Variants in CUX1 observed in about 807,000 individuals in gnomAD.
CUX1 encodes cut like homeobox 1, also known as protein CASP.
CUX1 carries 31 observed loss-of-function variants against 158.8 expected under a neutral mutation model. That is an observed-to-expected ratio of 0.20 (90% CI 0.15 to 0.26). The LOEUF is 0.26. Among genes scored for constraint, CUX1 ranks in the 10% least tolerant of loss-of-function variants. CUX1 has a pLI of 1.00. For missense variants in CUX1, 1,589 were observed against 2,014.6 expected, an observed-to-expected ratio of 0.79 and a Z score of 4.04; for synonymous variants, 879 against 862.1, an observed-to-expected ratio of 1.02 and a Z score of -0.34.
At chr7:102,194,007 T>C in intron 13 of CUX1, 117 bp downstream of exon 13, 1 of 977,518 alleles carries the variant, frequency 1.0e-6, no homozygotes, top group Non-Finnish European at 1.6e-6. Context: ...TTACAGCCGA[T>C]GAGTCATACT....
intron 20 of CUX1, among the ~76,000 whole-genome samples, chr7:102,209,983 C>G (rs1397382253): frequency 6.6e-6 from 1 of 152,154 alleles, no homozygotes; most frequent in African/African-American, 2.4e-5. Flanking sequence ...ATCTCTCAGG[C>G]TCAAACAATC....
intron 1 of CUX1, among the ~76,000 whole-genome samples, chr7:101,884,909 T>C (rs1312427640): frequency 2.0e-5 from 3 of 152,134 alleles, no homozygotes; most frequent in African/African-American, 7.2e-5. Flanking sequence ...TTGGTGATGC[T>C]GTCACAGTGG....
intron 3 of CUX1, among the ~76,000 whole-genome samples, chr7:102,034,201 CT>C (rs1162923791): frequency 1.4e-5 from 2 of 139,148 alleles, no homozygotes; most frequent in African/African-American, 5.4e-5. Flanking sequence ...ACACAGAAGT[CT>C]TTTCAAAGGT....
At chr7:102,105,653 C>T (rs1554488218) in intron 6 of CUX1, among the ~76,000 whole-genome samples, 1 of 151,886 alleles carries the variant, frequency 6.6e-6, no homozygotes, top group East Asian at 1.9e-4. Flanking sequence ...GCTGGGATTA[C>T]AGGCATGCGC....
At chr7:102,050,764 G>C (rs1823399080) in intron 3 of CUX1, among the ~76,000 whole-genome samples, 1 of 151,722 alleles carries the variant, frequency 6.6e-6, no homozygotes, top group Non-Finnish European at 1.5e-5. Context: ...GTGCATTTGT[G>C]TGATCATAGC....
At chr7:102,275,283 G>A in exon 17 of CUX1, 1 of 1,611,876 alleles carries the variant, frequency 6.2e-7, no homozygotes, top group Non-Finnish European at 8.5e-7. Context: ...CTCCCAGAGG[G>A]CCAGGTGGAT....
intron 2 of CUX1, among the ~76,000 whole-genome samples, chr7:102,012,703 G>T (rs998971556): frequency 4.4e-4 from 55 of 123,844 alleles, no homozygotes; most frequent in African/African-American, 1.4e-3. Flanking sequence ...GGAGAGTGGG[G>T]GCGGGGGGAG....
At chr7:101,941,747 C>T (rs1807743484) in intron 2 of CUX1, among the ~76,000 whole-genome samples, 1 of 152,182 alleles carries the variant, frequency 6.6e-6, no homozygotes. Flanking sequence ...ATTAACTAGT[C>T]AACAGATACA....
chr7:102,101,160 T>G (rs564665521), intron 5 of CUX1, among the ~76,000 whole-genome samples: 3 of 152,274 alleles, frequency 2.0e-5, no homozygotes, highest in Admixed American at 2.0e-4. Context: ...GGAGATCAGA[T>G]TTCAACCTGA....
upstream of CUX1, chr7:101,817,068 AGGGGCGGCGG>A: frequency 1.0e-6 from 1 of 982,968 alleles, no homozygotes; most frequent in Non-Finnish European, 1.2e-6. This position sits in a 1 kb window ranked among gnomAD's most constrained non-coding sequence, Gnocchi z 4.1. Context: ...AAACTTGGCG[AGGGGCGGCGG>A]GGGTGCCCCG....
intron 8 of CUX1, 109 bp from the exon 9 acceptor site, chr7:102,158,451 C>CATT: frequency 9.8e-7 from 1 of 1,017,696 alleles, no homozygotes; most frequent in Non-Finnish European, 1.5e-6. Flanking sequence ...CATTGACTCA[C>CATT]GGGTCTGCAC....
At chr7:102,243,918 TC>T (rs1554535923) in intron 23 of CUX1, among the ~76,000 whole-genome samples, 1 of 151,896 alleles carries the variant, frequency 6.6e-6, no homozygotes, top group East Asian at 1.9e-4. Flanking sequence ...TCCCAGCTAC[TC>T]TAGAGGCTGA....
chr7:101,918,188 G>A (rs1175443449), intron 2 of CUX1, among the ~76,000 whole-genome samples: 1 of 152,176 alleles, frequency 6.6e-6, no homozygotes, highest in African/African-American at 2.4e-5. Flanking sequence ...GAGGAGGAGC[G>A]TGTCCCCCTT....
In CUX1 at chr7:102,253,611, A is replaced by G; in HGVS notation, c.*4569A>G. On this transcript the variant is annotated 3_prime_UTR_variant, in exon 24 of 24. Transcript: ENST00000292535. ...TACTGAAAAATAGCAGAGCCAGGGG[A>G]ACAGACGCATGTCCTTCTGGGAGTC... The G allele has an allele frequency of 1.0e-6, 1 of 985,482 alleles. No individual in the cohort carries two copies. Among genetic ancestry groups the G allele is most frequent in the East Asian group, 1.1e-4 (1 of 8,820 alleles). 61.0% of individuals were successfully genotyped at this position (985,482 alleles called of 1,614,324 possible).
chr7:102,070,015 G>C (rs1825954322), intron 3 of CUX1, among the ~76,000 whole-genome samples: 1 of 152,164 alleles, frequency 6.6e-6, no homozygotes, highest in Non-Finnish European at 1.5e-5. Flanking sequence ...GCAGTGTCTA[G>C]CACATGGCCA....
intron 6 of CUX1, among the ~76,000 whole-genome samples, chr7:102,110,409 T>G (rs1284162948): frequency 6.6e-6 from 1 of 152,232 alleles, no homozygotes; most frequent in Non-Finnish European, 1.5e-5. Flanking sequence ...TTAATTCATA[T>G]TATGCTATAG....
At chr7:102,050,689 T>C (rs1231422132) in intron 3 of CUX1, among the ~76,000 whole-genome samples, 3 of 150,626 alleles carry the variant, frequency 2.0e-5, no homozygotes, top group Non-Finnish European at 3.0e-5. Flanking sequence ...TTCTTTTTAT[T>C]ATTATTATTA....
In CUX1 at chr7:102,273,495, T is replaced by G. The variant is rs1554546847; in HGVS notation, c.1383+2T>G. 1 of 1,609,530 alleles carries G rather than the reference T, an allele frequency of 6.2e-7. No individual in the cohort carries two copies. On this transcript the variant is annotated splice_donor_variant, in intron 15 of 22. Transcript: ENST00000292538. LOFTEE classifies it high-confidence loss of function. ...TCCATCCAGCGGCCCGATGCCGAGG[T>G]GAGCCCACCCCCCTGCCCCATGCCC...
At chr7:102,232,057 TG>T (rs1799059840) in intron 21 of CUX1, among the ~76,000 whole-genome samples, 2 of 152,004 alleles carry the variant, frequency 1.3e-5, no homozygotes, top group African/African-American at 4.8e-5. Flanking sequence ...CATAAGGACT[TG>T]GGACATTTAT....
Sources: gnomAD v4.1 joint callset for allele counts (sites outside exome capture counted in the v4.1 genomes callset) on GRCh38, gnomAD v4.1.1 for gene constraint, Gnocchi (gnomAD v3.1) non-coding constraint, MANE v1.5 for transcripts, NCBI Gene and HGNC (gene_info 2026-07-23, HGNC 2026-07-21) for gene names.